Variants in SLC49A3 observed in about 807,000 individuals in gnomAD.
SLC49A3 encodes the protein solute carrier family 49 member A3.
Under a neutral mutation model 43.8 loss-of-function variants are expected in SLC49A3, and 50 were observed. The ratio of observed to expected loss-of-function variants is 1.14; its 90% CI spans 0.91 to 1.45. The LOEUF is 1.45. Among genes scored for constraint, SLC49A3 ranks in the 40% most tolerant of loss-of-function variants. The probability of loss-of-function intolerance (pLI) is 0.00; values close to 1 mark genes in which losing one functional copy is unlikely to be tolerated. For synonymous variants in SLC49A3, 413 were observed against 352.0 expected (o/e 1.17, Z -1.94); for missense variants, 906 against 774.1 (o/e 1.17, Z -2.02).
intron 2 of SLC49A3, 33 bp downstream of exon 2, chr4:686,499 C>T: frequency 1.9e-6 from 3 of 1,604,778 alleles, no homozygotes; most frequent in Non-Finnish European, 1.7e-6. Flanking sequence ...CTGCACTGTC[C>T]CGGAGCGGGC....
chr4:684,809 G>T lies in SLC49A3; in HGVS notation c.633C>A (p.Thr211=). Reference sequence around the variant, plus strand: ...GGGGCACACTCTCCCACAGGCAGATGGTGGACAGCAGGCAGACGACGCCAG... The same window carrying T: ...GGGGCACACTCTCCCACAGGCAGATTGTGGACAGCAGGCAGACGACGCCAG... ...IPAGVVCLLS[T]ICLWESVPPT... The change falls in exon 5 of 10, where the codon ACC becomes ACA. Residue 211 remains threonine, a synonymous_variant. Transcript: ENST00000322224. 1 of 1,612,590 alleles carries T rather than the reference G, an allele frequency of 6.2e-7. No homozygotes were observed. Among genetic ancestry groups the T allele is most frequent in the Non-Finnish European group, 8.5e-7 (1 of 1,179,902 alleles).
chr4:683,682 C>G lies in SLC49A3; in HGVS notation c.920G>C (p.Arg307Pro). The change falls in exon 7 of 10, where the codon CGG becomes CCG. Residue 307 changes from arginine (R) to proline (P), a missense_variant. Physicochemically the swap from Arg to Pro is moderately radical, Grantham distance 103. Coordinates refer to ENST00000322224, the MANE Select transcript of SLC49A3 (RefSeq NM_032219.4). ...GGTGGCCTCAGTGAAGTGCTTGGTC[C>G]GGTCCACATAGGGGCCGAGAGCCAG... ...GALALGPYVD[R>P]TKHFTEATKI... The G allele has an allele frequency of 6.2e-7, 1 of 1,609,178 alleles. No homozygotes were observed.
Position 688,978 on chromosome 4 carries a change from C to G in SLC49A3, c.135+15G>C. Reference sequence around the variant, plus strand: ...TGAGGGTCCCGGAGCCACCTGTCCCCGCCCCTGCCCCTACCGTGGCGTTGG... The same window carrying G: ...TGAGGGTCCCGGAGCCACCTGTCCCGGCCCCTGCCCCTACCGTGGCGTTGG... On this transcript the variant is annotated intron_variant, in intron 1 of 9. Coordinates refer to ENST00000322224, the MANE Select transcript of SLC49A3 (RefSeq NM_032219.4). 1 of 1,585,802 alleles carries G rather than the reference C, an allele frequency of 6.3e-7. No homozygotes were observed. Among genetic ancestry groups the G allele is most frequent in the South Asian group, 1.1e-5 (1 of 89,708 alleles).
rs1741081855 is a variant in SLC49A3 at position 686,543 on chromosome 4, G to A, written c.283C>T (p.Leu95Phe). 1 of 1,612,578 alleles carries A rather than the reference G, an allele frequency of 6.2e-7. No homozygotes were observed. Among genetic ancestry groups the A allele is most frequent in the Non-Finnish European group, 8.5e-7 (1 of 1,179,792 alleles). The change falls in exon 2 of 10, where the codon CTC becomes TTC. Residue 95 changes from leucine (L) to phenylalanine (F), a missense_variant. Leu to Phe is a conservative substitution (Grantham distance 22). Coordinates refer to ENST00000322224, the MANE Select transcript of SLC49A3 (RefSeq NM_032219.4). ...GGGGTCTGACTCACCGCCGCACGGA[G>A]CCCGACGGAGTCCAGGATCCAGATG... The part of the protein sequence containing the change: ...AAIWILDSVG[L>F]RAATILGAWL...
chr4:678,335 C>G (rs1033416032), downstream of SLC49A3: 4 of 1,417,998 alleles, frequency 2.8e-6, no homozygotes, highest in Non-Finnish European at 3.7e-6. Flanking sequence ...CAAGCCCACC[C>G]AGAGTCCACT....
chr4:683,714 C>CA lies in SLC49A3; in HGVS notation c.887dup (p.Ala298GlyfsTer16). Reference sequence around the variant, plus strand: ...CATAGGGGCCGAGAGCCAGTGCCCCCAGGATCCCAAACGTGATGAAGAGAG... The same window carrying CA: ...CATAGGGGCCGAGAGCCAGTGCCCCCAAGGATCCCAAACGTGATGAAGAGAG... On this transcript the variant is annotated frameshift_variant, in exon 7 of 10. Transcript: ENST00000322224. LOFTEE classifies it high-confidence loss of function. 6.3e-7 allele frequency: 1 copy of CA among 1,594,152 alleles called. No homozygotes were observed.
At chr4:679,611 G>A (rs1002759761), downstream of SLC49A3, among the ~76,000 whole-genome samples, 2 of 152,204 alleles carry the variant, frequency 1.3e-5, no homozygotes, top group African/African-American at 4.8e-5. Flanking sequence ...AGGGTCGCAA[G>A]TGACCCACCT....
intron 7 of SLC49A3, 73 bp from the exon 8 acceptor site, chr4:683,440 A>G (rs866187036): frequency 2.6e-6 from 4 of 1,549,666 alleles, no homozygotes; most frequent in Middle Eastern, 2.0e-4. Flanking sequence ...TTCACGGGAC[A>G]TGGGACACGG....
chr4:689,739 G>A (rs766019940), upstream of SLC49A3, among the ~76,000 whole-genome samples: 3 of 152,226 alleles, frequency 2.0e-5, no homozygotes, highest in Non-Finnish European at 2.9e-5. Flanking sequence ...CACACGCACC[G>A]GATTGTTACC....
chr4:689,375 G>T (rs564627594), upstream of SLC49A3: 1 of 300,022 alleles, frequency 3.3e-6, no homozygotes, highest in East Asian at 5.6e-5. Flanking sequence ...CAGGCTGGAA[G>T]TCCCTGCCAC....
chr4:682,668 C>T (rs1487621511), intron 9 of SLC49A3, 113 bp downstream of exon 9: 4 of 847,482 alleles, frequency 4.7e-6, no homozygotes, highest in African/African-American at 3.4e-5. Context: ...GTGGTGCTCA[C>T]CTGTCCTGCT....
intron 8 of SLC49A3, 21 bp from the exon 9 acceptor site, chr4:682,911 G>GCC: frequency 6.4e-7 from 1 of 1,555,420 alleles, no homozygotes; most frequent in Non-Finnish European, 8.7e-7. Flanking sequence ...GTGGCCCTCA[G>GCC]CCCCCGCTGC....
rs1472825624 is a variant in SLC49A3 at position 683,341 on chromosome 4, A to G, written c.1020T>C (p.Leu340=). The G allele has an allele frequency of 6.2e-7, 1 of 1,611,984 alleles. No individual in the cohort carries two copies. The highest frequency in any genetic ancestry group is 1.7e-5 in the Admixed American group (1 of 59,942). The change falls in exon 8 of 10, where the codon CTT becomes CTC. Residue 340 remains leucine, a synonymous_variant. Coordinates refer to ENST00000322224, the MANE Select transcript of SLC49A3 (RefSeq NM_032219.4). ...ALVSQLQGQT[L]ALAATCSLLG... ...GCAGCGAGCAGGTGGCAGCCAGGGC[A>G]AGGGTCTGTCCCTGCAGCTGGGACA...
chr4:685,737 C>CG lies in SLC49A3; in HGVS notation c.585+97dup. On this transcript the variant is annotated intron_variant, in intron 4 of 9. Transcript: ENST00000322224. The surrounding 1 kb of genome is among the most constrained non-coding windows in gnomAD (Gnocchi z 4.3). Reference sequence around the variant, plus strand: ...CGGGGCGGGGGACGGGAATCACACACGGGCACAGGAACACGGACACACTTG... The same window carrying CG: ...CGGGGCGGGGGACGGGAATCACACACGGGGCACAGGAACACGGACACACTTG... The CG allele has an allele frequency of 7.6e-7, 1 of 1,321,792 alleles. No individual in the cohort carries two copies. Among genetic ancestry groups the CG allele is most frequent in the South Asian group, 1.2e-5 (1 of 80,768 alleles). The allele number at this position is 1,321,792 out of a possible 1,614,324, so 81.9% of individuals were successfully genotyped here.
At chr4:679,984 C>T, downstream of SLC49A3, 1 of 1,613,574 alleles carries the variant, frequency 6.2e-7, no homozygotes, top group South Asian at 1.1e-5. Context: ...TCAACTTCAC[C>T]ATGTTTCTGA....
At position 686,234 on chromosome 4, in the gene SLC49A3, C is replaced by T. The variant is rs766933875; in HGVS notation, c.363G>A (p.Gly121=). 20 of 1,613,452 alleles carry T rather than the reference C, an allele frequency of 1.2e-5. No homozygotes were observed. The highest frequency in any genetic ancestry group is 5.0e-5 in the Admixed American group (3 of 60,008). Residue 121 remains glycine (G), a synonymous_variant, in exon 3 of 10, where the codon GGG becomes GGA. Transcript: ENST00000322224. ...TGAGGAAGGCAAATGGGTTTTGGGT[C>T]CCAACAACCATGCAGGGCACCATGC... ...VLRMVPCMVV[G]TQNPFAFLMG...
downstream of SLC49A3, chr4:681,180 GGCGGGGCTCCCGGGGTCA>G: frequency 6.3e-7 from 1 of 1,586,024 alleles, no homozygotes; most frequent in Non-Finnish European, 8.6e-7. Flanking sequence ...ACGAGGGGAG[GGCGGGGCTCCCGGGGTCA>G]GCTGGGTGGA....
rs1357131986 is a variant in SLC49A3, at chr4:682,852, G to T, written c.1190C>A (p.Ala397Glu). Residue 397 changes from alanine to glutamate, a missense_variant, in exon 9 of 10, where the codon GCA (alanine) becomes GAA (glutamate). Coordinates refer to ENST00000322224, the MANE Select transcript of SLC49A3 (RefSeq NM_032219.4). ...EGILIMLAMT[A>E]LTVRRSEPSL... ...CGGCTCCGAGCGTCGCACAGTCAGT[G>T]CCGTCATTGCCAGCATGATGAGTAT... 6.2e-7 allele frequency: 1 copy of T among 1,604,166 alleles called. No individual in the cohort carries two copies. The highest frequency in any genetic ancestry group is 1.1e-5 in the South Asian group (1 of 90,234).
At chr4:680,269 G>A (rs536998529), downstream of SLC49A3, among the ~76,000 whole-genome samples, 9 of 152,238 alleles carry the variant, frequency 5.9e-5, no homozygotes, top group African/African-American at 2.2e-4. Context: ...CTCACCCCCA[G>A]CTCCAGGCCT....
Sources: gnomAD v4.1 joint callset for allele counts (sites outside exome capture counted in the v4.1 genomes callset) on GRCh38, gnomAD v4.1.1 for gene constraint, Gnocchi (gnomAD v3.1) non-coding constraint, MANE v1.5 for transcripts, NCBI Gene and HGNC (gene_info 2026-07-23, HGNC 2026-07-21) for gene names.